VPS11: variants seen among roughly 807,000 people sequenced by gnomAD.
VPS11 encodes vacuolar protein sorting-associated protein 11 homolog.
Under a neutral mutation model 106.8 loss-of-function variants are expected in VPS11, and 51 were observed. The ratio of observed to expected loss-of-function variants is 0.48; its 90% CI spans 0.38 to 0.60. The LOEUF is 0.60. Among genes scored for constraint, VPS11 ranks in the 20% least tolerant of loss-of-function variants. VPS11 has a pLI of 0.00. For synonymous variants in VPS11, 453 were observed against 458.7 expected, an observed-to-expected ratio of 0.99 and a Z score of 0.16; for missense variants, 950 against 1,190.0, an observed-to-expected ratio of 0.80 and a Z score of 2.97.
intron 7 of VPS11, among the ~76,000 whole-genome samples, chr11:119,076,248 C>T (rs185532265): frequency 3.4e-4 from 51 of 150,208 alleles, no homozygotes; most frequent in Admixed American, 1.3e-3. Flanking sequence ...AAAAAAAGGC[C>T]GGGTGTGGTG....
chr11:119,081,666 A>T lies in VPS11; in HGVS notation c.*43A>T. 1 of 1,605,326 alleles carries T rather than the reference A, an allele frequency of 6.2e-7. No homozygotes were observed. Among genetic ancestry groups the T allele is most frequent in the Non-Finnish European group, 8.5e-7 (1 of 1,175,074 alleles). Reference sequence around the variant, plus strand: ...GTGGGCAACAGTGGAGGACCAAGAGAACAGACACAATGGGACCTGGGCGGG... The same window carrying T: ...GTGGGCAACAGTGGAGGACCAAGAGTACAGACACAATGGGACCTGGGCGGG... On this transcript the variant is annotated 3_prime_UTR_variant, in exon 16 of 16. Transcript: ENST00000621676.
intron 7 of VPS11, among the ~76,000 whole-genome samples, chr11:119,075,873 G>C (rs1348773788): frequency 6.6e-6 from 1 of 151,446 alleles, no homozygotes; most frequent in African/African-American, 2.4e-5. Flanking sequence ...CTGCACTCCA[G>C]CCTGGGCAAC....
chr11:119,069,999 A>AAAATAAAT (rs140755985), intron 3 of VPS11, among the ~76,000 whole-genome samples: 10,115 of 141,702 alleles, frequency 0.071, 467 homozygotes, highest in African/African-American at 0.12. Context: ...ACTCTGTCTC[A>AAAATAAAT]AAATAAATAA....
Position 119,077,936 on chromosome 11 carries a change from A to G in VPS11, c.1631A>G (p.Asn544Ser). ...CTGCCTTTTGAGCAGGCAGAGAGCA[A>G]CATGAAGCGCTACGGCAAGATCCTC... is the stretch of plus-strand genomic sequence containing the variant. ...GKLPFEQAES[N>S]MKRYGKILMH... The change falls in exon 10 of 16, where the codon AAC becomes AGC. Residue 544 changes from asparagine (N) to serine (S), a missense_variant. Coordinates refer to ENST00000621676, the MANE Select transcript of VPS11 (RefSeq NM_021729.6). The G allele has an allele frequency of 6.2e-7, 1 of 1,614,074 alleles. No homozygotes were observed. Among genetic ancestry groups the G allele is most frequent in the Non-Finnish European group, 8.5e-7 (1 of 1,179,900 alleles).
Position 119,071,315 on chromosome 11 carries a change from C to T in VPS11, c.637-281C>T, listed in dbSNP as rs61548225. On this transcript the variant is annotated intron_variant, in intron 4 of 15. Coordinates refer to ENST00000621676, the MANE Select transcript of VPS11 (RefSeq NM_021729.6). The stretch of plus-strand genomic sequence containing the variant: ...TGCCCCAGATTTACAACAGTCTACT[C>T]TCTCAGGAATACTCTTGATAAAGTA... Among the ~76,000 whole-genome samples the T allele has an allele frequency of 5.7e-3, 869 of 152,230 alleles. 10 individuals carry two copies. The highest frequency in any genetic ancestry group is 0.02 in the African/African-American group (823 of 41,514).
intron 4 of VPS11, 79 bp from the exon 5 acceptor site, chr11:119,071,517 T>G: frequency 8.4e-6 from 13 of 1,541,118 alleles, no homozygotes; most frequent in African/African-American, 1.4e-5. Flanking sequence ...AGAGCCAGTA[T>G]GGAGATGGGA....
Position 119,070,400 on chromosome 11 carries a change from A to G in VPS11, c.636+3A>G, listed in dbSNP as rs902732564. On this transcript the variant is annotated splice_donor_region_variant and intron_variant, in intron 4 of 15. Transcript: ENST00000621676. Reference sequence around the variant, plus strand: ...TTGTGACAACAGAGAACGTCCAGGTATGACCAAGGCCTCCACTCTTAGGAG... The same window carrying G: ...TTGTGACAACAGAGAACGTCCAGGTGTGACCAAGGCCTCCACTCTTAGGAG... 4 of 1,610,558 alleles carry G rather than the reference A, an allele frequency of 2.5e-6. No homozygotes were observed. The highest frequency in any genetic ancestry group is 2.5e-6 in the Non-Finnish European group (3 of 1,177,554).
At chr11:119,077,205 TG>T (rs1190295991) in intron 8 of VPS11, 122 bp downstream of exon 8, 17 of 1,238,322 alleles carry the variant, frequency 1.4e-5, no homozygotes, top group Non-Finnish European at 1.8e-5. Flanking sequence ...TTTAGAGGAG[TG>T]GCTGTTCCTG....
At position 119,081,459 on chromosome 11, in the gene VPS11, C is replaced by T. The variant is rs1218459992; in HGVS notation, c.2662C>T (p.Leu888Phe). 2 of 1,613,942 alleles carry T rather than the reference C, an allele frequency of 1.2e-6. No homozygotes were observed. Among genetic ancestry groups the T allele is most frequent in the Non-Finnish European group, 1.7e-6 (2 of 1,179,874 alleles). ...RDLHDQFQHQ[L>F]KCSNDSFSVI... ...TTCCTTCCCTCCTCTTCTCCTGCAG[C>T]TCAAGTGCTCCAATGACAGCTTTTC... The change falls in exon 16 of 16, where the codon CTC becomes TTC. Residue 888 changes from leucine to phenylalanine, a missense_variant and splice_region_variant. Physicochemically the swap from Leu to Phe is conservative, Grantham distance 22. Coordinates refer to ENST00000621676, the MANE Select transcript of VPS11 (RefSeq NM_021729.6).
At chr11:119,077,775 G>A in intron 9 of VPS11, 103 bp from the exon 10 acceptor site, 2 of 1,555,510 alleles carry the variant, frequency 1.3e-6, no homozygotes, top group Non-Finnish European at 8.7e-7. Flanking sequence ...CTCTCAACTT[G>A]GGCAGAGCCC....
chr11:119,079,866 A>G (rs1247985473), intron 14 of VPS11, among the ~76,000 whole-genome samples: 2 of 151,984 alleles, frequency 1.3e-5, no homozygotes, highest in Admixed American at 1.3e-4. Flanking sequence ...GTGCCCGGCC[A>G]TAATCCCAAC....
At position 119,077,538 on chromosome 11, in the gene VPS11, C is replaced by G. The variant is rs781885073; in HGVS notation, c.1463C>G (p.Thr488Arg). The change falls in exon 9 of 16, where the codon ACA (threonine) becomes AGA (arginine). Residue 488 changes from threonine (T) to arginine (R), a missense_variant. By Grantham distance (71) the Thr-to-Arg change is moderately conservative. Transcript: ENST00000621676. ...SESEVHFDVETAIKVLRQAGY... is the reference protein window; with the variant it reads ...SESEVHFDVERAIKVLRQAGY... ...AGTGAAGTCCACTTTGATGTGGAGA[C>G]AGCCATCAAGGTCCTCCGGCAGGCT... 2 of 1,614,020 alleles carry G rather than the reference C, an allele frequency of 1.2e-6. No homozygotes were observed. The highest frequency in any genetic ancestry group is 1.7e-6 in the Non-Finnish European group (2 of 1,179,866).
Position 119,077,556 on chromosome 11 carries a change from G to A in VPS11, c.1481G>A (p.Arg494Gln), listed in dbSNP as rs782474328. The part of the protein sequence containing the change: ...FDVETAIKVL[R>Q]QAGYYSHALY... ...GTGGAGACAGCCATCAAGGTCCTCCGGCAGGCTGGCTACTACTCCCATGCC... is the reference window on the plus strand; with the variant it reads ...GTGGAGACAGCCATCAAGGTCCTCCAGCAGGCTGGCTACTACTCCCATGCC... The change falls in exon 9 of 16, where the codon CGG becomes CAG. Residue 494 changes from arginine (R) to glutamine (Q), a missense_variant. Arg to Gln is a conservative substitution (Grantham distance 43). Around this residue, in one of 3 missense-constraint regions of VPS11, gnomAD observed 435 missense variants for 630.2 expected, o/e 0.69. Coordinates refer to ENST00000621676, the MANE Select transcript of VPS11 (RefSeq NM_021729.6). 3.7e-6 allele frequency: 6 copies of A among 1,614,002 alleles called. No individual in the cohort carries two copies. Among genetic ancestry groups the A allele is most frequent in the African/African-American group, 2.7e-5 (2 of 75,048 alleles).
chr11:119,071,832 G>T lies in VPS11; in HGVS notation c.873G>T (p.Lys291Asn). The T allele has an allele frequency of 6.2e-7, 1 of 1,612,750 alleles. No homozygotes were observed. Among genetic ancestry groups the T allele is most frequent in the Non-Finnish European group, 8.5e-7 (1 of 1,178,838 alleles). The change falls in exon 5 of 16, where the codon AAG (lysine) becomes AAT (asparagine). Residue 291 changes from lysine (K) to asparagine (N), a missense_variant. Transcript: ENST00000621676. ...GYLIIVSRDR[K>N]VSPKSEFTSR... ...TTATCATTGTCTCCCGTGACCGGAA[G>T]GTTTCTCCCAAGTAAGGACTCAGTG...
chr11:119,081,651 G>C lies in VPS11; in HGVS notation c.*28G>C. ...AGCCTGGAGGAAGATGTGGGCAACA[G>C]TGGAGGACCAAGAGAACAGACACAA... On this transcript the variant is annotated 3_prime_UTR_variant, in exon 16 of 16. Coordinates refer to ENST00000621676, the MANE Select transcript of VPS11 (RefSeq NM_021729.6). 1 of 1,611,658 alleles carries C rather than the reference G, an allele frequency of 6.2e-7. No homozygotes were observed.
In VPS11 at chr11:119,078,451, A is replaced by G. The variant is rs1212749367; in HGVS notation, c.1924-114A>G. 2.5e-6 allele frequency: 4 copies of G among 1,570,128 alleles called. No individual in the cohort carries two copies. The African/African-American group carries it at 5.4e-5, about 21-fold the overall frequency. On this transcript the variant is annotated intron_variant, in intron 11 of 15. Transcript: ENST00000621676. Reference sequence around the variant, plus strand: ...CCAGTAACACCTTACCTCGGGGCTCAATGGTCCTCTGTGAAGAGGGAATGG... The same window carrying G: ...CCAGTAACACCTTACCTCGGGGCTCGATGGTCCTCTGTGAAGAGGGAATGG...
At position 119,071,859 on chromosome 11, in the gene VPS11, G is replaced by A. The variant is rs782679772; in HGVS notation, c.884+16G>A. 20 of 1,608,056 alleles carry A rather than the reference G, an allele frequency of 1.2e-5. No homozygotes were observed. Among genetic ancestry groups the A allele is most frequent in the Non-Finnish European group, 1.7e-5 (20 of 1,175,456 alleles). On this transcript the variant is annotated intron_variant, in intron 5 of 15. Coordinates refer to ENST00000621676, the MANE Select transcript of VPS11 (RefSeq NM_021729.6). ...TTTCTCCCAAGTAAGGACTCAGTGA[G>A]AAGGGACAGGGAGAGGGCTGGACTT...
intron 1 of VPS11, among the ~76,000 whole-genome samples, 194 bp from the exon 2 acceptor site, chr11:119,069,002 C>A (rs1469044810): frequency 3.9e-5 from 2 of 51,390 alleles, no homozygotes; most frequent in Non-Finnish European, 1.0e-4. Flanking sequence ...CCGCACCCCC[C>A]CCCCCCCCCG....
chr11:119,070,317 A>G lies in VPS11; in HGVS notation c.556A>G (p.Asn186Asp), dbSNP rs1407065467. Residue 186 changes from asparagine (N) to aspartate (D), a missense_variant, in exon 4 of 16, where the codon AAC (asparagine) becomes GAC (aspartate). Asn to Asp is a conservative substitution (Grantham distance 23, BLOSUM62 1). Transcript: ENST00000621676. The part of the protein sequence containing the change: ...HSKTQILHKG[N>D]YPVTGLAFRQ... ...CAAGACCCAGATTTTGCACAAGGGC[A>G]ACTATCCTGTAACTGGATTGGCCTT... is the stretch of plus-strand genomic sequence containing the variant. 6.2e-7 allele frequency: 1 copy of G among 1,613,448 alleles called. No individual in the cohort carries two copies. Among genetic ancestry groups the G allele is most frequent in the Non-Finnish European group, 8.5e-7 (1 of 1,179,642 alleles).
Sources: gnomAD v4.1 joint callset for allele counts (sites outside exome capture counted in the v4.1 genomes callset) on GRCh38, gnomAD v4.1.1 for gene constraint, gnomAD v4.1.1 regional missense constraint, MANE v1.5 for transcripts, NCBI Gene and HGNC (gene_info 2026-07-23, HGNC 2026-07-21) for gene names.